The following CEP350 variants were observed in gnomAD, a reference collection of about 807,000 sequenced individuals.
CEP350 encodes the protein centrosome-associated protein 350.
In CEP350, 126 loss-of-function variants were observed where a neutral mutation model predicts 331.8. The ratio of observed to expected loss-of-function variants is 0.38; its 90% CI spans 0.33 to 0.44. CEP350 has a LOEUF of 0.44. Among genes scored for constraint, CEP350 ranks in the 20% least tolerant of loss-of-function variants. The probability of loss-of-function intolerance (pLI) is 1.00; values close to 1 mark genes in which losing one functional copy is unlikely to be tolerated. For synonymous variants in CEP350, 1,200 were observed against 1,259.5 expected (o/e 0.95, Z 1.00); for missense variants, 3,406 against 3,634.6 (o/e 0.94, Z 1.62).
intron 27 of CEP350, among the ~76,000 whole-genome samples, chr1:180,066,469 G>T (rs922044053): frequency 6.6e-6 from 1 of 152,126 alleles, no homozygotes; most frequent in Non-Finnish European, 1.5e-5. Context: ...AAATCAATCT[G>T]TGATTTAGTT....
At chr1:179,969,727 A>C (rs1374688320) in intron 1 of CEP350, among the ~76,000 whole-genome samples, 3 of 152,056 alleles carry the variant, frequency 2.0e-5, no homozygotes, top group Non-Finnish European at 2.9e-5. Context: ...CTGAAGTGGG[A>C]GGGTTGCTTG....
intron 11 of CEP350, among the ~76,000 whole-genome samples, chr1:180,017,241 A>G (rs1245070988): frequency 6.6e-6 from 1 of 152,060 alleles, no homozygotes; most frequent in African/African-American, 2.4e-5. Context: ...TGCTTTAACT[A>G]CTCTACATAC....
At chr1:180,004,908 T>C (rs1477454692) in intron 7 of CEP350, among the ~76,000 whole-genome samples, 1 of 60,070 alleles carries the variant, frequency 1.7e-5, no homozygotes, top group East Asian at 6.7e-4. Flanking sequence ...GCTTGCTTGC[T>C]TTCTTTCTTT....
intron 25 of CEP350, among the ~76,000 whole-genome samples, chr1:180,060,067 A>G (rs1489082381): frequency 3.9e-5 from 6 of 152,214 alleles, no homozygotes; most frequent in South Asian, 2.1e-4. Flanking sequence ...GTTTTGGAAA[A>G]TATAGTTACT....
At chr1:179,958,668 C>T (rs1028064199) in intron 1 of CEP350, among the ~76,000 whole-genome samples, 2 of 152,090 alleles carry the variant, frequency 1.3e-5, no homozygotes, top group Non-Finnish European at 1.5e-5. Flanking sequence ...ATTGGATATA[C>T]TAGTAGTTCT....
intron 8 of CEP350, among the ~76,000 whole-genome samples, chr1:180,009,948 T>C (rs760105465): frequency 2.0e-5 from 3 of 152,130 alleles, no homozygotes; most frequent in Non-Finnish European, 4.4e-5. Flanking sequence ...AGTCTTTTAT[T>C]ATAAATACAA....
intron 5 of CEP350, among the ~76,000 whole-genome samples, chr1:179,996,139 C>T (rs1653442350): frequency 6.6e-6 from 1 of 151,978 alleles, no homozygotes; most frequent in South Asian, 2.1e-4. Flanking sequence ...GATTATTTGC[C>T]ATTTTACTTG....
intron 26 of CEP350, among the ~76,000 whole-genome samples, chr1:180,062,634 C>G (rs1392190405): frequency 2.0e-5 from 3 of 152,096 alleles, no homozygotes; most frequent in Non-Finnish European, 2.9e-5. Flanking sequence ...CTGGTGAGGG[C>G]CTTCTTGCTG....
intron 36 of CEP350, 76 bp downstream of exon 36, chr1:180,096,260 C>T: frequency 6.9e-7 from 1 of 1,454,222 alleles, no homozygotes. Flanking sequence ...GTTGTAAAAG[C>T]AGGTGCTCTT....
intron 22 of CEP350, among the ~76,000 whole-genome samples, chr1:180,051,662 TGGA>T (rs1571925242): frequency 6.6e-6 from 1 of 152,314 alleles, no homozygotes; most frequent in East Asian, 1.9e-4. Context: ...GTTCCCAAAA[TGGA>T]ACGCAGCCTG....
At chr1:180,083,374 A>G (rs150142474) in intron 30 of CEP350, among the ~76,000 whole-genome samples, 2 of 152,322 alleles carry the variant, frequency 1.3e-5, no homozygotes, top group Non-Finnish European at 2.9e-5. Context: ...TGATGTTGCT[A>G]TGAGTAGACG....
chr1:179,991,665 ATATGTGTG>A (rs1458895700), intron 4 of CEP350, among the ~76,000 whole-genome samples: 5 of 68,666 alleles, frequency 7.3e-5, no homozygotes, highest in Admixed American at 5.2e-4. Context: ...GTATATATAT[ATATGTGTG>A]TGTGTGTGTG....
intron 1 of CEP350, among the ~76,000 whole-genome samples, chr1:179,972,005 T>C (rs1252617702): frequency 6.6e-6 from 1 of 152,162 alleles, no homozygotes; most frequent in East Asian, 1.9e-4. Flanking sequence ...CATATGGTCA[T>C]CTCTTCTTGA....
At chr1:180,070,377 C>T (rs536755899) in intron 27 of CEP350, among the ~76,000 whole-genome samples, 2 of 152,026 alleles carry the variant, frequency 1.3e-5, no homozygotes, top group Admixed American at 6.6e-5. Context: ...TATATCAGCT[C>T]GGTGGGCAAC....
At chr1:179,975,167 T>G (rs2148616846) in intron 1 of CEP350, among the ~76,000 whole-genome samples, 1 of 152,252 alleles carries the variant, frequency 6.6e-6, no homozygotes, top group Middle Eastern at 3.4e-3. Context: ...AAAGACAATG[T>G]GGAGATAATG....
In CEP350 at chr1:180,014,434, T is replaced by G; in HGVS notation, c.1981T>G (p.Tyr661Asp). ...AGCAACTAGGCGACTACAGGAAACT[T>G]ACTCCAAATTGCTACTAGAAAAGAC... ...PSATRRLQET[Y>D]SKLLLEKTLL... The change falls in exon 10 of 38, where the codon TAC (tyrosine) becomes GAC (aspartate). Residue 661 changes from tyrosine to aspartate, a missense_variant. Physicochemically the swap from Tyr to Asp is radical, Grantham distance 160. Coordinates refer to ENST00000367607, the MANE Select transcript of CEP350 (RefSeq NM_014810.5). The G allele has an allele frequency of 1.2e-6, 2 of 1,609,414 alleles. No homozygotes were observed. The highest frequency in any genetic ancestry group is 1.7e-6 in the Non-Finnish European group (2 of 1,178,084).
intron 37 of CEP350, among the ~76,000 whole-genome samples, chr1:180,100,070 G>C (rs1424603797): frequency 6.6e-6 from 1 of 152,212 alleles, no homozygotes; most frequent in Non-Finnish European, 1.5e-5. Context: ...ACAGGCATGA[G>C]CCACCGCGCC....
Position 180,041,160 on chromosome 1 carries a change from G to C in CEP350, c.4133G>C (p.Arg1378Thr). Residue 1378 changes from arginine (R) to threonine (T), a missense_variant, in exon 18 of 38, where the codon AGA becomes ACA. By Grantham distance (71) the Arg-to-Thr change is moderately conservative. Transcript: ENST00000367607. ...AAGGCACAACAGCAACGCCATGAAA[G>C]AGACTTGGCCCTCTTGAAACTAAAG... ...IIKAQQQRHERDLALLKLKAE... is the reference protein window; with the variant it reads ...IIKAQQQRHETDLALLKLKAE... 6.3e-7 allele frequency: 1 copy of C among 1,595,626 alleles called. No individual in the cohort carries two copies. The highest frequency in any genetic ancestry group is 1.1e-5 in the South Asian group (1 of 87,308).
At chr1:180,062,940 A>T (rs781381863) in intron 26 of CEP350, among the ~76,000 whole-genome samples, 1 of 152,162 alleles carries the variant, frequency 6.6e-6, no homozygotes, top group African/African-American at 2.4e-5. Flanking sequence ...TTTTTTTCCT[A>T]TGGAATATTC....
Sources: gnomAD v4.1 joint callset for allele counts (sites outside exome capture counted in the v4.1 genomes callset) on GRCh38, gnomAD v4.1.1 for gene constraint, MANE v1.5 for transcripts, NCBI Gene and HGNC (gene_info 2026-07-23, HGNC 2026-07-21) for gene names.